Variants in CAMKV observed in about 807,000 individuals in gnomAD.
The protein encoded by CAMKV is caM kinase-like vesicle-associated protein.
In CAMKV, 5 loss-of-function variants were observed where a neutral mutation model predicts 50.2. The observed-to-expected ratio is 0.10, with a 90% CI of 0.05 to 0.21. The LOEUF is 0.21. Ranked by LOEUF, CAMKV falls within the 10% of genes least tolerant of loss-of-function variation. The probability of loss-of-function intolerance (pLI) is 1.00; values close to 1 mark genes in which losing one functional copy is unlikely to be tolerated. For synonymous variants in CAMKV, 229 were observed against 250.1 expected (o/e 0.92, Z 0.80); for missense variants, 361 against 650.5 (o/e 0.55, Z 4.84).
rs1184655630 is a variant in CAMKV, at chr3:49,861,508, G to A, written c.372C>T (p.Asn124=). Residue 124 remains asparagine, a synonymous_variant, in exon 5 of 11, where the codon AAC becomes AAT. Coordinates refer to ENST00000477224, the MANE Select transcript of CAMKV (RefSeq NM_024046.5). This position sits in a 1 kb window ranked among gnomAD's most constrained non-coding sequence, Gnocchi z 7.7. ...CGGCCTCCAGGACTTGCCGTACCACGTTGCTTGTGTCTCGCTCCGAGTAGT... is the reference window on the plus strand; with the variant it reads ...CGGCCTCCAGGACTTGCCGTACCACATTGCTTGTGTCTCGCTCCGAGTAGT... ...QGYYSERDTS[N]VVRQVLEAVA... 18 of 1,614,060 alleles carry A rather than the reference G, an allele frequency of 1.1e-5. No homozygotes were observed. Among genetic ancestry groups the A allele is most frequent in the African/African-American group, 4.0e-5 (3 of 74,928 alleles).
Position 49,860,166 on chromosome 3 carries a change from C to G in CAMKV, c.942+5G>C. ...GAGCCAAGAAGGGAGTTATCCAAGC[C>G]TTACCTTCCACTTGGCCCTGGCAAA... On this transcript the variant is annotated splice_donor_5th_base_variant and intron_variant, in intron 10 of 10. Coordinates refer to ENST00000477224, the MANE Select transcript of CAMKV (RefSeq NM_024046.5). The surrounding 1 kb of genome is among the most constrained non-coding windows in gnomAD (Gnocchi z 6.1). 6.2e-7 allele frequency: 1 copy of G among 1,612,856 alleles called. No individual in the cohort carries two copies. Among genetic ancestry groups the G allele is most frequent in the Non-Finnish European group, 8.5e-7 (1 of 1,178,862 alleles).
intron 1 of CAMKV, among the ~76,000 whole-genome samples, chr3:49,867,164 T>G (rs2082071528): frequency 1.3e-5 from 2 of 152,194 alleles, no homozygotes; most frequent in South Asian, 4.1e-4. Flanking sequence ...CCTGCTTAAC[T>G]CACAGCTGAG....
rs2082006639 is a variant in CAMKV at position 49,859,844 on chromosome 3, C to T, written c.980G>A (p.Arg327Gln). The stretch of plus-strand genomic sequence containing the variant: ...AGCCGTGCTGGACTGCTCTGGTGCC[C>T]GGAGCCGTTTCATGAGGGTGGTCAC... The part of the protein sequence containing the change: ...VRVTTLMKRL[R>Q]APEQSSTAAA... The change falls in exon 11 of 11, where the codon CGG becomes CAG. Residue 327 changes from arginine to glutamine, a missense_variant. Transcript: ENST00000477224. The surrounding 1 kb of genome is among the most constrained non-coding windows in gnomAD (Gnocchi z 5.5). The T allele has an allele frequency of 2.6e-6, 4 of 1,515,950 alleles. No individual in the cohort carries two copies. Among genetic ancestry groups the T allele is most frequent in the Non-Finnish European group, 3.5e-6 (4 of 1,139,236 alleles). 93.9% of individuals were successfully genotyped at this position (1,515,950 alleles called of 1,614,324 possible).
chr3:49,861,896 G>A lies in CAMKV; in HGVS notation c.228-31C>T, dbSNP rs2082024822. ...GACAGGGAGGGGAGCCAGTAGTTAG[G>A]GCTGGATGAACCCCTGGGAGAGGCT... On this transcript the variant is annotated intron_variant, in intron 3 of 10. Coordinates refer to ENST00000477224, the MANE Select transcript of CAMKV (RefSeq NM_024046.5). This position sits in a 1 kb window ranked among gnomAD's most constrained non-coding sequence, Gnocchi z 7.7. 6.2e-7 allele frequency: 1 copy of A among 1,612,348 alleles called. No homozygotes were observed. The highest frequency in any genetic ancestry group is 8.5e-7 in the Non-Finnish European group (1 of 1,179,046).
rs781360811 is a variant in CAMKV, at chr3:49,862,287, C to T, written c.95+7G>A. On this transcript the variant is annotated splice_region_variant and intron_variant, in intron 2 of 10. Transcript: ENST00000477224. The surrounding 1 kb of genome is among the most constrained non-coding windows in gnomAD (Gnocchi z 5.2). ...ACCCAGCCTTGCCTGACAGGCCCGG[C>T]ACTCACGTCTTGATGACCTGTCCCA... 3.7e-6 allele frequency: 6 copies of T among 1,614,100 alleles called. No homozygotes were observed. In the Admixed American group the frequency reaches 1.0e-4, roughly 27 times the overall value.
intron 1 of CAMKV, among the ~76,000 whole-genome samples, chr3:49,864,704 T>C (rs2082050474): frequency 1.3e-5 from 2 of 152,234 alleles, no homozygotes; most frequent in Non-Finnish European, 2.9e-5. Context: ...CTGCCTCTGC[T>C]GACTGTGCAT....
chr3:49,864,276 T>A (rs1559457599), intron 1 of CAMKV, among the ~76,000 whole-genome samples: 1 of 152,118 alleles, frequency 6.6e-6, no homozygotes, highest in African/African-American at 2.4e-5. Context: ...GGTATGCAGG[T>A]GTACTGGTCA....
In CAMKV at chr3:49,861,056, C is replaced by T. The variant is rs1250877835; in HGVS notation, c.563-38G>A. 2 of 1,613,178 alleles carry T rather than the reference C, an allele frequency of 1.2e-6. No homozygotes were observed. Among genetic ancestry groups the T allele is most frequent in the South Asian group, 1.1e-5 (1 of 91,022 alleles). ...CGCCCATCTGCTGGTCAGTATCAGG[C>T]CTAGCCAGGTCCAGTACCATCCACA... On this transcript the variant is annotated intron_variant, in intron 6 of 10. Transcript: ENST00000477224. The surrounding 1 kb of genome is among the most constrained non-coding windows in gnomAD (Gnocchi z 7.7).
Position 49,861,225 on chromosome 3 carries a change from C to G in CAMKV, c.517G>C (p.Glu173Gln). Residue 173 changes from glutamate (E) to glutamine (Q), a missense_variant, in exon 6 of 11, where the codon GAA (glutamate) becomes CAA (glutamine). Physicochemically the swap from Glu to Gln is conservative, Grantham distance 29. Transcript: ENST00000477224. The surrounding 1 kb of genome is among the most constrained non-coding windows in gnomAD (Gnocchi z 7.7). ...VISDFHLAKLENGLIKEPCGT... is the reference protein window; with the variant it reads ...VISDFHLAKLQNGLIKEPCGT... ...CAGGGCTCCTTGATGAGGCCATTTT[C>G]TAGCTTAGCCAGATGGAAGTCACTG... 6.2e-7 allele frequency: 1 copy of G among 1,611,472 alleles called. No homozygotes were observed. Among genetic ancestry groups the G allele is most frequent in the Non-Finnish European group, 8.5e-7 (1 of 1,178,764 alleles).
At position 49,859,947 on chromosome 3, in the gene CAMKV, C is replaced by G; in HGVS notation, c.943-66G>C. On this transcript the variant is annotated intron_variant, in intron 10 of 10. Coordinates refer to ENST00000477224, the MANE Select transcript of CAMKV (RefSeq NM_024046.5). This position sits in a 1 kb window ranked among gnomAD's most constrained non-coding sequence, Gnocchi z 5.5. ...GCTGGATCCATTGCTTGGCAGTGAC[C>G]AAACCAAACTCCTTCCATAGTACCC... 7.0e-7 allele frequency: 1 copy of G among 1,429,174 alleles called. No individual in the cohort carries two copies. Among genetic ancestry groups the G allele is most frequent in the East Asian group, 2.3e-5 (1 of 43,092 alleles). The allele number at this position is 1,429,174 out of a possible 1,614,324, so 88.5% of individuals were successfully genotyped here.
At chr3:49,868,317 C>G (rs28478136) in intron 1 of CAMKV, among the ~76,000 whole-genome samples, 11,251 of 152,226 alleles carry the variant, frequency 0.074, 428 homozygotes, top group African/African-American at 0.085. Context: ...CCCAGAGCCC[C>G]TCTTACAGCT....
intron 1 of CAMKV, among the ~76,000 whole-genome samples, chr3:49,863,123 T>C (rs924853431): frequency 3.3e-5 from 5 of 152,190 alleles, no homozygotes; most frequent in Non-Finnish European, 5.9e-5. Flanking sequence ...TCTTACACAG[T>C]GTTAAGTGCA....
rs865944634 is a variant in CAMKV, at chr3:49,862,064, C to T, written c.208G>A (p.Glu70Lys). ...GRKVRKAAKN[E>K]IGILKMVKHP... is the part of the protein sequence containing the mutation. ...ACTCACATCTTGAGGATGCCTATCT[C>T]GTTCTTGGCAGCTTTCCGCACCTTG... The change falls in exon 3 of 11, where the codon GAG (glutamate) becomes AAG (lysine). Residue 70 changes from glutamate (E) to lysine (K), a missense_variant. This residue lies in a region of CAMKV where 172 missense variants were observed against 414.3 expected (regional missense o/e 0.42). Coordinates refer to ENST00000477224, the MANE Select transcript of CAMKV (RefSeq NM_024046.5). The surrounding 1 kb of genome is among the most constrained non-coding windows in gnomAD (Gnocchi z 5.2). 6.2e-7 allele frequency: 1 copy of T among 1,614,148 alleles called. No individual in the cohort carries two copies. Among genetic ancestry groups the T allele is most frequent in the South Asian group, 1.1e-5 (1 of 91,074 alleles).
chr3:49,859,300 C>G lies in CAMKV; in HGVS notation c.*18G>C, dbSNP rs761919955. The stretch of plus-strand genomic sequence containing the variant: ...ACCCTCCTGCCCATCCCCTGCCCCC[C>G]CTCACCAGGCTGCCTACTCAGCTGG... On this transcript the variant is annotated 3_prime_UTR_variant, in exon 11 of 11. Coordinates refer to ENST00000477224, the MANE Select transcript of CAMKV (RefSeq NM_024046.5). This position sits in a 1 kb window ranked among gnomAD's most constrained non-coding sequence, Gnocchi z 5.5. 6.6e-7 allele frequency: 1 copy of G among 1,515,982 alleles called. No individual in the cohort carries two copies. The highest frequency in any genetic ancestry group is 8.8e-7 in the Non-Finnish European group (1 of 1,135,754). 93.9% of individuals were successfully genotyped at this position (1,515,982 alleles called of 1,614,324 possible). A position where few individuals can be genotyped will look rare whatever the true frequency, so the allele number is the denominator to read the frequency against.
chr3:49,859,276 C>T lies in CAMKV; in HGVS notation c.*42G>A. ...GAGAAGCCCCTCATCCACTCTCCCA[C>T]CCTCCTGCCCATCCCCTGCCCCCCC... On this transcript the variant is annotated 3_prime_UTR_variant, in exon 11 of 11. Transcript: ENST00000477224. The surrounding 1 kb of genome is among the most constrained non-coding windows in gnomAD (Gnocchi z 5.5). 1 of 1,474,290 alleles carries T rather than the reference C, an allele frequency of 6.8e-7. No individual in the cohort carries two copies. The highest frequency in any genetic ancestry group is 9.0e-7 in the Non-Finnish European group (1 of 1,105,452). 91.3% of individuals were successfully genotyped at this position (1,474,290 alleles called of 1,614,324 possible). A position where few individuals can be genotyped will look rare whatever the true frequency, so the allele number is the denominator to read the frequency against.
Position 49,859,323 on chromosome 3 carries a change from T to G in CAMKV, c.1501A>C (p.Ser501Arg). 1 of 1,525,972 alleles carries G rather than the reference T, an allele frequency of 6.6e-7. No homozygotes were observed. Among genetic ancestry groups the G allele is most frequent in the Non-Finnish European group, 8.8e-7 (1 of 1,138,494 alleles). The allele number at this position is 1,525,972 out of a possible 1,614,324, so 94.5% of individuals were successfully genotyped here. A position where few individuals can be genotyped will look rare whatever the true frequency, so the allele number is the denominator to read the frequency against. The change falls in exon 11 of 11, where the codon AGC (serine) becomes CGC (arginine). Residue 501 changes from serine (S) to arginine (R), a missense_variant. Physicochemically the swap from Ser to Arg is moderately radical, Grantham distance 110. This residue lies in a region of CAMKV where 75 missense variants were observed against 84.2 expected (regional missense o/e 0.89). Transcript: ENST00000477224. This position sits in a 1 kb window ranked among gnomAD's most constrained non-coding sequence, Gnocchi z 5.5. Reference sequence around the variant, plus strand: ...CCCCTCACCAGGCTGCCTACTCAGCTGGCCTCCTCCCTTTGAGACTCCTGG... The same window carrying G: ...CCCCTCACCAGGCTGCCTACTCAGCGGGCCTCCTCCCTTTGAGACTCCTGG... ...YAQESQREEAS is the reference protein window; with the variant it reads ...YAQESQREEAR
chr3:49,860,579 A>T lies in CAMKV; in HGVS notation c.776-30T>A, dbSNP rs755178734. 13 of 1,611,656 alleles carry T rather than the reference A, an allele frequency of 8.1e-6. No homozygotes were observed. The highest frequency in any genetic ancestry group is 1.0e-5 in the Non-Finnish European group (12 of 1,178,648). ...GGACAAAACCAAGAAGGGGATAGTCATGGGCACCCCATCTCAATGTCTAGA... is the reference window on the plus strand; with the variant it reads ...GGACAAAACCAAGAAGGGGATAGTCTTGGGCACCCCATCTCAATGTCTAGA... On this transcript the variant is annotated intron_variant, in intron 8 of 10. Transcript: ENST00000477224. This position sits in a 1 kb window ranked among gnomAD's most constrained non-coding sequence, Gnocchi z 6.1.
Position 49,858,170 on chromosome 3 carries a change from G to C in CAMKV, c.*1148C>G. The C allele has an allele frequency of 2.5e-6, 1 of 397,548 alleles. No individual in the cohort carries two copies. The highest frequency in any genetic ancestry group is 4.4e-5 in the Admixed American group (1 of 22,722). The allele number at this position is 397,548 out of a possible 1,614,324, so 24.6% of individuals were successfully genotyped here. On this transcript the variant is annotated 3_prime_UTR_variant, in exon 11 of 11. Transcript: ENST00000477224. ...AGGCTGTGGTAGGGTCTGACAAAGG[G>C]CACCTGTCAGGAGCCTCCCTCAGGA... is the stretch of plus-strand genomic sequence containing the variant.
chr3:49,861,582 G>A lies in CAMKV; in HGVS notation c.303-5C>T, dbSNP rs1408651490. On this transcript the variant is annotated splice_polypyrimidine_tract_variant and splice_region_variant and intron_variant, in intron 4 of 10. Transcript: ENST00000477224. This position sits in a 1 kb window ranked among gnomAD's most constrained non-coding sequence, Gnocchi z 7.7. The stretch of plus-strand genomic sequence containing the variant: ...AACACCTCCCTCCCCGTGGCCCTGA[G>A]GGACACCAGCCCCTGAGCCTGGCGT... 1.9e-6 allele frequency: 3 copies of A among 1,613,920 alleles called. No individual in the cohort carries two copies. The highest frequency in any genetic ancestry group is 2.7e-5 in the African/African-American group (2 of 74,930).
Sources: allele counts gnomAD v4.1 joint callset (sites outside exome capture counted in the v4.1 genomes callset), GRCh38; gene constraint gnomAD v4.1.1; regional missense constraint gnomAD v4.1.1; non-coding constraint Gnocchi (gnomAD v3.1); transcripts MANE v1.5; gene names NCBI Gene and HGNC (gene_info 2026-07-23, HGNC 2026-07-21).